The following ZNF311 variants were observed in gnomAD, a reference collection of about 807,000 sequenced individuals.
ZNF311 encodes zinc finger protein 311.
Under a neutral mutation model 22.7 loss-of-function variants are expected in ZNF311, and 14 were observed. The ratio of observed to expected loss-of-function variants is 0.62; its 90% CI spans 0.41 to 0.96. The LOEUF (loss-of-function observed/expected upper bound fraction) is 0.96, where lower values mean the gene tolerates loss of function less well. Ranked by LOEUF, ZNF311 falls within the 40% of genes least tolerant of loss-of-function variation. The probability of loss-of-function intolerance (pLI) is 0.00; values close to 1 mark genes in which losing one functional copy is unlikely to be tolerated. For synonymous variants in ZNF311, 250 were observed against 275.3 expected (o/e 0.91, Z 0.91); for missense variants, 731 against 799.0 (o/e 0.91, Z 1.03).
At position 28,995,405 on chromosome 6, in the gene ZNF311, C is replaced by G. The variant is rs775792204; in HGVS notation, c.1597G>C (p.Gly533Arg). 6.2e-7 allele frequency: 1 copy of G among 1,614,168 alleles called. No individual in the cohort carries two copies. The highest frequency in any genetic ancestry group is 2.2e-5 in the East Asian group (1 of 44,878). Residue 533 changes from glycine to arginine, a missense_variant, in exon 7 of 7, where the codon GGG (glycine) becomes CGG (arginine). Coordinates refer to ENST00000377179, the MANE Select transcript of ZNF311 (RefSeq NM_001382360.1). This position sits in a 1 kb window ranked among gnomAD's most constrained non-coding sequence, Gnocchi z 4.7. ...GEKPYKCLEC[G>R]KAFSGKSNLT... Reference sequence around the variant, plus strand: ...TTTGACTTCCCACTGAAAGCTTTCCCACACTCTAAACATTTGTAAGGTTTC... The same window carrying G: ...TTTGACTTCCCACTGAAAGCTTTCCGACACTCTAAACATTTGTAAGGTTTC...
chr6:29,000,632 T>C (rs146912602), intron 3 of ZNF311, among the ~76,000 whole-genome samples: 8 of 152,290 alleles, frequency 5.3e-5, no homozygotes, highest in Admixed American at 1.3e-4. Flanking sequence ...ATTTTGCACA[T>C]TTTTCCTACT....
At chr6:29,003,630 T>C (rs776031719) in intron 2 of ZNF311, 36 bp from the exon 3 acceptor site, 7 of 1,608,944 alleles carry the variant, frequency 4.4e-6, no homozygotes, top group Admixed American at 3.3e-5. Context: ...AGGAAAGTTA[T>C]GAAGGTGAGA....
chr6:29,000,317 AT>A (rs1460703806), intron 3 of ZNF311, among the ~76,000 whole-genome samples: 2 of 152,194 alleles, frequency 1.3e-5, no homozygotes, highest in Admixed American at 6.5e-5. Flanking sequence ...TTGTCCTGGA[AT>A]AAACTTTCCC....
At chr6:28,997,390 A>T (rs1779756270) in intron 6 of ZNF311, among the ~76,000 whole-genome samples, 1 of 152,218 alleles carries the variant, frequency 6.6e-6, no homozygotes, top group Non-Finnish European at 1.5e-5. Flanking sequence ...CACATCCTGA[A>T]TAATAAATAA....
intron 1 of ZNF311, among the ~76,000 whole-genome samples, 179 bp from the exon 2 acceptor site, chr6:29,004,393 G>A (rs145740639): frequency 2.6e-5 from 4 of 151,768 alleles, no homozygotes; most frequent in East Asian, 1.9e-4. Context: ...CCATTACTGC[G>A]GTAGTCTTCT....
chr6:28,995,213 C>A lies in ZNF311; in HGVS notation c.1789G>T (p.Ala597Ser). The A allele has an allele frequency of 6.2e-7, 1 of 1,614,070 alleles. No homozygotes were observed. Among genetic ancestry groups the A allele is most frequent in the Non-Finnish European group, 8.5e-7 (1 of 1,180,040 alleles). ...ECGTSFRQGS[A>S]LIGHKRVHTG... ...TGAACTCGCTTATGTCCAATCAGAG[C>A]TGAGCCCTGACGGAAGGACGTGCCA... Residue 597 changes from alanine to serine, a missense_variant, in exon 7 of 7, where the codon GCT becomes TCT. Physicochemically the swap from Ala to Ser is moderately conservative, Grantham distance 99. Coordinates refer to ENST00000377179, the MANE Select transcript of ZNF311 (RefSeq NM_001382360.1). The surrounding 1 kb of genome is among the most constrained non-coding windows in gnomAD (Gnocchi z 4.7).
chr6:29,000,005 C>T lies in ZNF311; in HGVS notation c.134G>A (p.Ser45Asn). The stretch of plus-strand genomic sequence containing the variant: ...ATCTGCTTGCGGCAGGTTTCCTTGG[C>T]TTCCATCTTTAGTGAAGGCAGGATA... ...APYPAFTKDG[S>N]QGNLPQADIT... Residue 45 changes from serine (S) to asparagine (N), a missense_variant, in exon 4 of 7, where the codon AGC (serine) becomes AAC (asparagine). Coordinates refer to ENST00000377179, the MANE Select transcript of ZNF311 (RefSeq NM_001382360.1). The T allele has an allele frequency of 1.2e-6, 2 of 1,613,738 alleles. No individual in the cohort carries two copies. Among genetic ancestry groups the T allele is most frequent in the Non-Finnish European group, 1.7e-6 (2 of 1,179,930 alleles).
chr6:28,999,836 C>A (rs953311084), intron 4 of ZNF311, 120 bp downstream of exon 4: 1 of 1,289,334 alleles, frequency 7.8e-7, no homozygotes, highest in African/African-American at 1.5e-5. Context: ...ACAAAATGTT[C>A]CTTATGAGAG....
intron 5 of ZNF311, among the ~76,000 whole-genome samples, chr6:28,999,278 A>T (rs776944977): frequency 1.3e-5 from 2 of 152,090 alleles, no homozygotes; most frequent in African/African-American, 2.4e-5. Flanking sequence ...CTTTTAACTC[A>T]TTCCAAATCA....
In ZNF311 at chr6:29,004,122, T is replaced by C. The variant is rs1310691404; in HGVS notation, c.-168A>G. 1 of 1,535,198 alleles carries C rather than the reference T, an allele frequency of 6.5e-7. No individual in the cohort carries two copies. The highest frequency in any genetic ancestry group is 8.7e-7 in the Non-Finnish European group (1 of 1,144,556). On this transcript the variant is annotated 5_prime_UTR_variant, in exon 2 of 7. Coordinates refer to ENST00000377179, the MANE Select transcript of ZNF311 (RefSeq NM_001382360.1). ...CCAAAGGGCCCTTCTTGACCCACAGTGCCGCTACTGTTTGGCTTAATGTGT... is the reference window on the plus strand; with the variant it reads ...CCAAAGGGCCCTTCTTGACCCACAGCGCCGCTACTGTTTGGCTTAATGTGT...
intron 5 of ZNF311, 120 bp downstream of exon 5, chr6:28,999,367 G>T: frequency 9.6e-7 from 1 of 1,042,750 alleles, no homozygotes; most frequent in Non-Finnish European, 1.3e-6. Flanking sequence ...TTTTGGGCAA[G>T]ATCCTGATGA....
chr6:28,996,608 G>T (rs765949120), intron 6 of ZNF311, 22 bp from the exon 7 acceptor site: 2 of 1,561,980 alleles, frequency 1.3e-6, no homozygotes, highest in East Asian at 2.2e-5. Flanking sequence ...AAATACAAAT[G>T]TCAGAGGGAA....
chr6:28,997,879 A>C (rs1779848134), intron 6 of ZNF311, among the ~76,000 whole-genome samples: 1 of 152,212 alleles, frequency 6.6e-6, no homozygotes, highest in Admixed American at 6.5e-5. Flanking sequence ...GAAGTACTTT[A>C]ATCAATATTA....
At position 29,004,052 on chromosome 6, in the gene ZNF311, T is replaced by A; in HGVS notation, c.-98A>T. On this transcript the variant is annotated 5_prime_UTR_variant, in exon 2 of 7. Coordinates refer to ENST00000377179, the MANE Select transcript of ZNF311 (RefSeq NM_001382360.1). ...CAAACAAGCTGTGAAGTGGCTCCAG[T>A]TGATGCCAGCCTCCTTTGGAGAACA... is the stretch of plus-strand genomic sequence containing the variant. 1 of 1,612,232 alleles carries A rather than the reference T, an allele frequency of 6.2e-7. No individual in the cohort carries two copies. Among genetic ancestry groups the A allele is most frequent in the Non-Finnish European group, 8.5e-7 (1 of 1,179,542 alleles).
rs1177995140 is a variant in ZNF311, at chr6:29,004,198, T to C, written c.-244A>G. The C allele has an allele frequency of 3.1e-5, 44 of 1,418,408 alleles. No homozygotes were observed. Among genetic ancestry groups the C allele is most frequent in the Non-Finnish European group, 3.8e-5 (42 of 1,091,242 alleles). 87.9% of individuals were successfully genotyped at this position (1,418,408 alleles called of 1,614,324 possible). On this transcript the variant is annotated 5_prime_UTR_variant, in exon 2 of 7. Transcript: ENST00000377179. ...CATTAGCAACACTAAACCGCTGTGA[T>C]CTCACATCTTGTTTCCCTGCATATT... is the stretch of plus-strand genomic sequence containing the variant.
At chr6:29,000,138 T>C (rs1398188123) in intron 3 of ZNF311, 91 bp from the exon 4 acceptor site, 8 of 1,235,012 alleles carry the variant, frequency 6.5e-6, no homozygotes, top group Non-Finnish European at 9.2e-6. Flanking sequence ...TGTAGAAGCT[T>C]CTGCAGCTCT....
Position 28,995,644 on chromosome 6 carries a change from C to T in ZNF311, c.1358G>A (p.Ser453Asn). Residue 453 changes from serine (S) to asparagine (N), a missense_variant, in exon 7 of 7, where the codon AGC becomes AAC. Physicochemically the swap from Ser to Asn is conservative, Grantham distance 46 (BLOSUM62 1). Coordinates refer to ENST00000377179, the MANE Select transcript of ZNF311 (RefSeq NM_001382360.1). The surrounding 1 kb of genome is among the most constrained non-coding windows in gnomAD (Gnocchi z 4.7). ...GTGTTTGGTGAGTTCTGCCTTGATG[C>T]TGAAGTCTTTTCCACACTGGGGACA... ...YGCPQCGKDFSIKAELTKHRR... is the reference protein window; with the variant it reads ...YGCPQCGKDFNIKAELTKHRR... 6.2e-7 allele frequency: 1 copy of T among 1,613,462 alleles called. No homozygotes were observed. Among genetic ancestry groups the T allele is most frequent in the Non-Finnish European group, 8.5e-7 (1 of 1,180,032 alleles).
intron 3 of ZNF311, among the ~76,000 whole-genome samples, chr6:29,000,458 A>AGT (rs1305534078): frequency 6.6e-6 from 1 of 152,166 alleles, no homozygotes; most frequent in African/African-American, 2.4e-5. Context: ...GGTGAAAAAG[A>AGT]GTGTGTGCAT....
At chr6:28,999,733 G>C in intron 4 of ZNF311, 120 bp from the exon 5 acceptor site, 1 of 1,414,406 alleles carries the variant, frequency 7.1e-7, no homozygotes, top group Non-Finnish European at 9.4e-7. Context: ...TTCCCTTTTG[G>C]TGGGTATGTA....
Sources: allele counts gnomAD v4.1 joint callset (sites outside exome capture counted in the v4.1 genomes callset), GRCh38; gene constraint gnomAD v4.1.1; non-coding constraint Gnocchi (gnomAD v3.1); transcripts MANE v1.5; gene names NCBI Gene and HGNC (gene_info 2026-07-23, HGNC 2026-07-21).